STARD13: variants seen among roughly 807,000 people sequenced by gnomAD.
The protein encoded by STARD13 is StAR related lipid transfer domain containing 13.
Under a neutral mutation model 106.4 loss-of-function variants are expected in STARD13, and 62 were observed. The ratio of observed to expected loss-of-function variants is 0.58; its 90% CI spans 0.48 to 0.72. STARD13 has a LOEUF of 0.72. STARD13 is among the 30% of genes least tolerant of loss of function. The probability of loss-of-function intolerance (pLI) is 0.00; values close to 1 mark genes in which losing one functional copy is unlikely to be tolerated. For missense variants in STARD13, 1,387 were observed against 1,424.0 expected (o/e 0.97, Z 0.42); for synonymous variants, 565 against 553.0 (o/e 1.02, Z -0.31).
chr13:33,569,017 A>T, the STARD13 span, among the ~76,000 whole-genome samples: 1 of 147,972 alleles, frequency 6.8e-6, no homozygotes, highest in Non-Finnish European at 1.5e-5. Flanking sequence ...CTCATAGGAG[A>T]ACTTCTCAGT....
intron 2 of STARD13, among the ~76,000 whole-genome samples, 172 bp from the exon 3 acceptor site, chr13:33,165,590 T>C (rs1883225252): frequency 6.6e-6 from 1 of 152,198 alleles, no homozygotes; most frequent in Non-Finnish European, 1.5e-5. Context: ...TAAATGCTTT[T>C]AGGAGTACAA....
At chr13:33,647,978 G>A in the STARD13 span, among the ~76,000 whole-genome samples, 1 of 152,158 alleles carries the variant, frequency 6.6e-6, no homozygotes, top group African/African-American at 2.4e-5. Context: ...AAAGGACAAT[G>A]ATACGTGCTC....
At chr13:33,315,964 T>C (rs574914814) in intron 1 of STARD13, among the ~76,000 whole-genome samples, 29 of 152,272 alleles carry the variant, frequency 1.9e-4, no homozygotes, top group Non-Finnish European at 5.9e-5. Context: ...GGGGTTACTG[T>C]GTTGTCGTGC....
the STARD13 span, among the ~76,000 whole-genome samples, chr13:33,458,269 T>G: frequency 6.9e-6 from 1 of 144,870 alleles, no homozygotes; most frequent in African/African-American, 2.8e-5. Context: ...GTTTGTTTGT[T>G]TTTTGTTGTT....
At chr13:33,476,888 A>G in the STARD13 span, among the ~76,000 whole-genome samples, 1 of 152,210 alleles carries the variant, frequency 6.6e-6, no homozygotes, top group Non-Finnish European at 1.5e-5. Context: ...TCCAGTCAGA[A>G]CCTTGTCTTC....
intron 1 of STARD13, among the ~76,000 whole-genome samples, chr13:33,227,670 T>C (rs993887932): frequency 3.3e-5 from 5 of 152,118 alleles, no homozygotes; most frequent in Admixed American, 2.0e-4. Context: ...CCACTTTAAC[T>C]TGGACATGAC....
intron 1 of STARD13, among the ~76,000 whole-genome samples, chr13:33,298,152 T>TAC (rs1892573041): frequency 8.4e-6 from 1 of 119,468 alleles, no homozygotes. Context: ...TTTTTTGAGA[T>TAC]AGAGTCTCAC....
At chr13:33,609,092 A>AC in the STARD13 span, among the ~76,000 whole-genome samples, 1 of 150,176 alleles carries the variant, frequency 6.7e-6, no homozygotes, top group African/African-American at 2.5e-5. Context: ...TCTCAAAAAA[A>AC]AAAAAAAAAA....
intron 1 of STARD13, among the ~76,000 whole-genome samples, chr13:33,215,276 C>A (rs1887976546): frequency 6.6e-6 from 1 of 152,150 alleles, no homozygotes; most frequent in South Asian, 2.1e-4. Flanking sequence ...AAGGCCCCAT[C>A]CTTGCAGCTT....
chr13:33,372,601 T>A, the STARD13 span, among the ~76,000 whole-genome samples: 7 of 151,878 alleles, frequency 4.6e-5, no homozygotes, highest in African/African-American at 1.7e-4. Context: ...TCCTTTCAAA[T>A]ATGAACCAAC....
the STARD13 span, among the ~76,000 whole-genome samples, chr13:33,483,297 C>T: frequency 1.3e-5 from 2 of 152,150 alleles, no homozygotes; most frequent in African/African-American, 2.4e-5. Context: ...AAAATTAGAA[C>T]ATAACAGATC....
At chr13:33,385,927 G>A in the STARD13 span, among the ~76,000 whole-genome samples, 19 of 151,474 alleles carry the variant, frequency 1.3e-4, no homozygotes, top group African/African-American at 4.6e-4. Flanking sequence ...TAAGCCTAAT[G>A]TGTGAGTCAA....
At chr13:33,178,414 C>G (rs548800724) in intron 1 of STARD13, among the ~76,000 whole-genome samples, 15 of 152,288 alleles carry the variant, frequency 9.8e-5, no homozygotes, top group African/African-American at 3.6e-4. Flanking sequence ...GAACGTGCAT[C>G]CTGGTGAACG....
At chr13:33,519,208 TTTTCTTTCTTTC>T in the STARD13 span, among the ~76,000 whole-genome samples, 1,225 of 101,484 alleles carry the variant, frequency 0.012, 8 homozygotes, top group East Asian at 0.019. Flanking sequence ...CTTGGTAATT[TTTTCTTTCTTTC>T]TTTCTTTCTT....
At chr13:33,239,416 T>A (rs1030776603) in intron 1 of STARD13, among the ~76,000 whole-genome samples, 3 of 152,174 alleles carry the variant, frequency 2.0e-5, no homozygotes, top group African/African-American at 7.2e-5. Context: ...CTGGATTATA[T>A]GACAATTCTA....
chr13:33,217,069 T>C (rs1028893383), intron 1 of STARD13, among the ~76,000 whole-genome samples: 8 of 152,136 alleles, frequency 5.3e-5, no homozygotes, highest in African/African-American at 1.9e-4. Flanking sequence ...CTGCTATCAC[T>C]GGACTGCCCC....
chr13:33,128,781 T>C, intron 5 of STARD13, 148 bp downstream of exon 5: 1 of 747,588 alleles, frequency 1.3e-6, no homozygotes, highest in Non-Finnish European at 2.1e-6. Context: ...AAGTCATACT[T>C]CTGTTCAAAT....
At chr13:33,284,605 C>T (rs543980790) in intron 1 of STARD13, among the ~76,000 whole-genome samples, 3 of 150,432 alleles carry the variant, frequency 2.0e-5, no homozygotes, top group South Asian at 4.2e-4. Flanking sequence ...ATAATAATTT[C>T]TTTTTTGTAG....
At chr13:33,261,832 T>G (rs1482962417) in intron 1 of STARD13, among the ~76,000 whole-genome samples, 1 of 152,206 alleles carries the variant, frequency 6.6e-6, no homozygotes, top group Non-Finnish European at 1.5e-5. Context: ...ATGGAAGGGC[T>G]TATGAATGCT....
Sources: allele counts gnomAD v4.1 joint callset (sites outside exome capture counted in the v4.1 genomes callset), GRCh38; gene constraint gnomAD v4.1.1; transcripts MANE v1.5; gene names NCBI Gene and HGNC (gene_info 2026-07-23, HGNC 2026-07-21).